STAG1: variants seen among roughly 807,000 people sequenced by gnomAD.
STAG1 encodes STAG1 cohesin complex component.
STAG1 carries 26 observed loss-of-function variants against 170.9 expected under a neutral mutation model. The ratio of observed to expected loss-of-function variants is 0.15; its 90% CI spans 0.11 to 0.21. The LOEUF (loss-of-function observed/expected upper bound fraction) is 0.21. Ranked by LOEUF, STAG1 falls within the 10% of genes least tolerant of loss-of-function variation. The probability of loss-of-function intolerance (pLI) is 1.00; values close to 1 mark genes in which losing one functional copy is unlikely to be tolerated. For synonymous variants in STAG1, 514 were observed against 497.7 expected (o/e 1.03, Z -0.44); for missense variants, 964 against 1,509.5 (o/e 0.64, Z 5.99).
intron 1 of STAG1, among the ~76,000 whole-genome samples, chr3:136,698,918 T>C (rs1436482399): frequency 1.3e-5 from 2 of 152,160 alleles, no homozygotes; most frequent in African/African-American, 2.4e-5. Flanking sequence ...CACAGCTACT[T>C]GGATGGAGGT....
intron 9 of STAG1, among the ~76,000 whole-genome samples, chr3:136,486,186 C>G (rs1439135923): frequency 6.6e-6 from 1 of 152,186 alleles, no homozygotes; most frequent in Admixed American, 6.5e-5. Flanking sequence ...TAATGTAGGA[C>G]ATAGTCAACA....
At chr3:136,529,519 C>A (rs1935259242) in intron 6 of STAG1, among the ~76,000 whole-genome samples, 2 of 152,080 alleles carry the variant, frequency 1.3e-5, no homozygotes, top group Non-Finnish European at 2.9e-5. Flanking sequence ...CAACAAAAAA[C>A]CCTGCTAGTC....
At chr3:136,730,456 T>C (rs1933948754) in intron 1 of STAG1, among the ~76,000 whole-genome samples, 2 of 152,174 alleles carry the variant, frequency 1.3e-5, no homozygotes, top group African/African-American at 2.4e-5. Context: ...TGGGAAAAGG[T>C]ACTTAACCTC....
chr3:136,568,382 G>A (rs941124542), intron 5 of STAG1, among the ~76,000 whole-genome samples: 6 of 152,044 alleles, frequency 3.9e-5, no homozygotes, highest in Non-Finnish European at 7.4e-5. Flanking sequence ...AAATGAGTAC[G>A]AAATACTGGC....
intron 1 of STAG1, among the ~76,000 whole-genome samples, chr3:136,650,431 C>T (rs1941178748): frequency 6.6e-6 from 1 of 152,072 alleles, no homozygotes; most frequent in Admixed American, 6.5e-5. Flanking sequence ...TTATTCTTTG[C>T]TTTTGCATCT....
chr3:136,466,502 G>A (rs183871631), intron 12 of STAG1, among the ~76,000 whole-genome samples: 98 of 152,290 alleles, frequency 6.4e-4, no homozygotes, highest in African/African-American at 2.2e-3. Context: ...ATGGGACTAC[G>A]TAAAAAGACC....
chr3:136,580,521 CTTTTTT>C (rs760635116), intron 4 of STAG1, among the ~76,000 whole-genome samples: 2 of 100,336 alleles, frequency 2.0e-5, no homozygotes, highest in Non-Finnish European at 3.9e-5. Flanking sequence ...TTGTATAATT[CTTTTTT>C]TTTTTTTTTT....
At chr3:136,518,302 C>T (rs1459561934) in intron 7 of STAG1, 2 of 651,122 alleles carry the variant, frequency 3.1e-6, no homozygotes, top group African/African-American at 1.8e-5. Context: ...GCATTTTATT[C>T]CAAAGCCGAT....
chr3:136,529,748 G>C (rs769006789), intron 6 of STAG1, among the ~76,000 whole-genome samples: 24 of 151,842 alleles, frequency 1.6e-4, no homozygotes, highest in Middle Eastern at 3.2e-3. Flanking sequence ...ATATGAGGAA[G>C]ATAAAATAAT....
intron 21 of STAG1, among the ~76,000 whole-genome samples, chr3:136,411,471 AT>A (rs1315740257): frequency 6.6e-6 from 1 of 152,230 alleles, no homozygotes; most frequent in Non-Finnish European, 1.5e-5. Flanking sequence ...AAAAGTGGGT[AT>A]AAGAGATATT....
chr3:136,750,744 T>A (rs1317006836), intron 1 of STAG1, among the ~76,000 whole-genome samples: 1 of 152,248 alleles, frequency 6.6e-6, no homozygotes, highest in Non-Finnish European at 1.5e-5. Context: ...TAACAATTTG[T>A]CTTATAAGTA....
chr3:136,602,634 T>C (rs907566166), intron 4 of STAG1, among the ~76,000 whole-genome samples: 2 of 151,994 alleles, frequency 1.3e-5, no homozygotes, highest in African/African-American at 2.4e-5. Context: ...GTGCATCACT[T>C]GAGGTCAGGA....
At chr3:136,679,850 C>T (rs998533660) in intron 1 of STAG1, among the ~76,000 whole-genome samples, 1 of 151,494 alleles carries the variant, frequency 6.6e-6, no homozygotes, top group African/African-American at 2.4e-5. Flanking sequence ...TGCAGTGACC[C>T]GAGATTGCAC....
intron 1 of STAG1, among the ~76,000 whole-genome samples, chr3:136,640,205 C>T (rs1382684163): frequency 6.6e-6 from 1 of 152,094 alleles, no homozygotes; most frequent in Admixed American, 6.6e-5. Flanking sequence ...TGTAGTGGTT[C>T]ATTATTTTGT....
At chr3:136,474,200 C>G (rs2089690517) in intron 10 of STAG1, among the ~76,000 whole-genome samples, 1 of 152,094 alleles carries the variant, frequency 6.6e-6, no homozygotes, top group Non-Finnish European at 1.5e-5. Context: ...ACTTGGCGTA[C>G]AGGATGTTGA....
intron 1 of STAG1, among the ~76,000 whole-genome samples, chr3:136,742,742 A>C (rs1934736632): frequency 6.6e-6 from 1 of 151,892 alleles, no homozygotes; most frequent in Admixed American, 6.6e-5. Flanking sequence ...AAGAAAATTA[A>C]ACCACACACT....
chr3:136,671,742 C>T (rs979474232), intron 1 of STAG1, among the ~76,000 whole-genome samples: 3 of 152,016 alleles, frequency 2.0e-5, no homozygotes, highest in African/African-American at 7.2e-5. Context: ...ATTAGCTGGG[C>T]ATGGTGGTGT....
intron 6 of STAG1, among the ~76,000 whole-genome samples, chr3:136,525,168 T>C (rs1202085145): frequency 1.3e-5 from 2 of 152,208 alleles, no homozygotes; most frequent in Admixed American, 6.5e-5. Flanking sequence ...TCAGAAGGAA[T>C]GGTACCAGCT....
At chr3:136,701,673 C>A (rs1395055359) in intron 1 of STAG1, among the ~76,000 whole-genome samples, 2 of 152,152 alleles carry the variant, frequency 1.3e-5, no homozygotes, top group African/African-American at 2.4e-5. Context: ...CAGGAATTCT[C>A]TGAGGATTAA....
Sources: gnomAD v4.1 joint callset for allele counts (sites outside exome capture counted in the v4.1 genomes callset) on GRCh38, gnomAD v4.1.1 for gene constraint, MANE v1.5 for transcripts, NCBI Gene and HGNC (gene_info 2026-07-23, HGNC 2026-07-21) for gene names.